The following C4orf50 variants were observed in gnomAD, a reference collection of about 807,000 sequenced individuals.
C4orf50 encodes chromosome 4 open reading frame 50.
In C4orf50, 80 loss-of-function variants were observed where a neutral mutation model predicts 77.2. The ratio of observed to expected loss-of-function variants is 1.04; its 90% CI spans 0.87 to 1.25. The LOEUF (loss-of-function observed/expected upper bound fraction) is 1.25, where lower values mean the gene tolerates loss of function less well. C4orf50 is among the 50% of genes most tolerant of loss of function. The pLI is 0.00. For synonymous variants in C4orf50, 532 were observed against 465.3 expected (o/e 1.14, Z -1.84); for missense variants, 1,257 against 1,152.9 (o/e 1.09, Z -1.31).
chr4:6,001,556 C>G (rs118134503), intron 25 of C4orf50, among the ~76,000 whole-genome samples: 1 of 152,274 alleles, frequency 6.6e-6, no homozygotes, highest in East Asian at 1.9e-4. Flanking sequence ...AAACTAGTGT[C>G]CTAAACGAGC....
chr4:5,909,693 G>T (rs1032943195), intron 7 of C4orf50, among the ~76,000 whole-genome samples: 5 of 152,238 alleles, frequency 3.3e-5, no homozygotes, highest in African/African-American at 1.2e-4. Flanking sequence ...AGTGGTGAGA[G>T]ATAGGGGTCT....
intron 7 of C4orf50, among the ~76,000 whole-genome samples, chr4:5,936,001 T>A (rs1577906795): frequency 6.6e-6 from 1 of 152,098 alleles, no homozygotes; most frequent in Non-Finnish European, 1.5e-5. Context: ...GCACTTATGA[T>A]GGGACAGTAC....
chr4:5,995,646 T>C (rs1029950009), intron 25 of C4orf50, among the ~76,000 whole-genome samples: 5 of 152,172 alleles, frequency 3.3e-5, no homozygotes, highest in Non-Finnish European at 2.9e-5. Flanking sequence ...ACTACTCCAC[T>C]GGACTGTGAG....
intron 25 of C4orf50, among the ~76,000 whole-genome samples, chr4:6,005,754 C>T (rs1311591359): frequency 1.3e-5 from 2 of 152,166 alleles, no homozygotes; most frequent in African/African-American, 4.8e-5. Context: ...TACATAGGTA[C>T]TCGTGCTATC....
intron 7 of C4orf50, among the ~76,000 whole-genome samples, chr4:5,943,340 C>T (rs557810727): frequency 2.0e-5 from 3 of 152,310 alleles, no homozygotes; most frequent in Admixed American, 6.5e-5. Context: ...CCTGAGTTTT[C>T]CCAGGGGTTC....
In C4orf50 at chr4:5,965,007, G is replaced by T; in HGVS notation, c.4275+17C>A. On this transcript the variant is annotated intron_variant, in intron 33 of 33. Coordinates refer to ENST00000531445, the Ensembl canonical transcript of C4orf50. ...ACAAAGTTCATTTAGGAAATGAGGT[G>T]ACAGGTGCCTTCTCACCTTCAGAGA... is the stretch of plus-strand genomic sequence containing the variant. The T allele has an allele frequency of 6.2e-7, 1 of 1,604,320 alleles. No homozygotes were observed. The highest frequency in any genetic ancestry group is 1.1e-5 in the South Asian group (1 of 89,096).
intron 26 of C4orf50, among the ~76,000 whole-genome samples, chr4:5,993,511 A>G (rs1721407751): frequency 6.6e-6 from 1 of 152,200 alleles, no homozygotes; most frequent in South Asian, 2.1e-4. Context: ...GCCACGGCTG[A>G]GGCTGTTATG....
chr4:5,916,621 G>A lies in C4orf50; in HGVS notation c.*2475-18433C>T, dbSNP rs971687561. Among the ~76,000 whole-genome samples, 1 of 152,224 alleles carries A rather than the reference G, an allele frequency of 6.6e-6. No individual in the cohort carries two copies. Among genetic ancestry groups the A allele is most frequent in the Non-Finnish European group, 1.5e-5 (1 of 68,042 alleles). On this transcript the variant is annotated intron_variant, in intron 7 of 7. Transcript: ENST00000324058. This position sits in a 1 kb window ranked among gnomAD's most constrained non-coding sequence, Gnocchi z 4.4. ...AAAAGCAGAGCCTGAGACCCAGACA[G>A]GGGTGCAGGTGGTTTATTTGGGGGG...
intron 25 of C4orf50, among the ~76,000 whole-genome samples, chr4:6,004,027 G>A (rs200819160): frequency 0.34 from 10,204 of 29,688 alleles, 734 homozygotes; most frequent in East Asian, 0.4. Context: ...TGGTGATAAT[G>A]TGATAGTGAT....
At position 5,924,878 on chromosome 4, in the gene C4orf50, C is replaced by G. The variant is rs558347697; in HGVS notation, c.*2475-26690G>C. ...GAACAGCAGGTCAGAGGGTCCGGAG[C>G]TTAGCAGGGAGGTCCCAGTGGCCGC... is the stretch of plus-strand genomic sequence containing the variant. On this transcript the variant is annotated intron_variant, in intron 7 of 7. Transcript: ENST00000324058. Among the ~76,000 whole-genome samples the G allele has an allele frequency of 2.0e-5, 3 of 152,308 alleles. No individual in the cohort carries two copies. In the South Asian group the frequency reaches 6.2e-4, roughly 32 times the overall value.
At chr4:5,962,674 G>T (rs762912578) in intron 33 of C4orf50, among the ~76,000 whole-genome samples, 1 of 152,238 alleles carries the variant, frequency 6.6e-6, no homozygotes, top group African/African-American at 2.4e-5. Flanking sequence ...CAGCTCTGCC[G>T]CTTATGAGCT....
At chr4:5,968,909 G>T (rs987887995) in intron 31 of C4orf50, among the ~76,000 whole-genome samples, 1 of 152,140 alleles carries the variant, frequency 6.6e-6, no homozygotes, top group Non-Finnish European at 1.5e-5. Context: ...GGGGTGCAAG[G>T]ACCCTTGTCT....
chr4:5,988,177 G>A (rs2108788566), intron 28 of C4orf50, among the ~76,000 whole-genome samples, 170 bp downstream of exon 6: 1 of 152,336 alleles, frequency 6.6e-6, no homozygotes. Context: ...CTATGTGACT[G>A]CAGTGACTGC....
chr4:5,912,565 C>A (rs1716855722), intron 7 of C4orf50, among the ~76,000 whole-genome samples: 1 of 152,022 alleles, frequency 6.6e-6, no homozygotes, highest in South Asian at 2.1e-4. Flanking sequence ...CTAAAATGCA[C>A]CCAGTATTTT....
downstream of C4orf50, among the ~76,000 whole-genome samples, chr4:5,952,548 C>T (rs948834164): frequency 3.3e-5 from 5 of 152,214 alleles, no homozygotes; most frequent in South Asian, 4.1e-4. The surrounding 1 kb of genome is among the most constrained non-coding windows in gnomAD (Gnocchi z 4.4). Context: ...CACCTGGCTG[C>T]GGGTGGAAGG....
chr4:5,989,593 G>A lies in C4orf50; in HGVS notation c.2453C>T (p.Ser818Phe), dbSNP rs1379599579. 4 of 1,535,978 alleles carry A rather than the reference G, an allele frequency of 2.6e-6. No homozygotes were observed. The African/African-American group carries it at 5.5e-5, about 21-fold the overall frequency. The change falls in exon 28 of 34, where the codon TCC (serine) becomes TTC (phenylalanine). Residue 818 changes from serine to phenylalanine, a missense_variant. Physicochemically the swap from Ser to Phe is radical, Grantham distance 155 (BLOSUM62 -2). Coordinates refer to ENST00000531445, the Ensembl canonical transcript of C4orf50. ...GCCCCTGCTGCCCGGCTGCAGGGTG[G>A]ACAGCTGCTGGAAACAAGCCTCCAC...
chr4:5,954,375 C>T (rs1000071891), downstream of C4orf50, among the ~76,000 whole-genome samples: 1 of 152,150 alleles, frequency 6.6e-6, no homozygotes, highest in Non-Finnish European at 1.5e-5. The surrounding 1 kb of genome is among the most constrained non-coding windows in gnomAD (Gnocchi z 4.7). Context: ...CTCAGCCCTG[C>T]ACCTGCTGCC....
chr4:5,937,819 A>G (rs7679272), intron 7 of C4orf50, among the ~76,000 whole-genome samples: 52,879 of 152,094 alleles, frequency 0.35, 13,371 homozygotes, highest in African/African-American at 0.72. Context: ...AAATCGCAAA[A>G]CATTATTAAA....
chr4:5,974,215 C>G (rs189220746), intron 30 of C4orf50, among the ~76,000 whole-genome samples: 1 of 152,178 alleles, frequency 6.6e-6, no homozygotes, highest in Admixed American at 6.5e-5. Context: ...AAGGAGACGG[C>G]GCAGGCAGGC....
Sources: gnomAD v4.1 joint callset for allele counts (sites outside exome capture counted in the v4.1 genomes callset) on GRCh38, gnomAD v4.1.1 for gene constraint, Gnocchi (gnomAD v3.1) non-coding constraint, MANE v1.5 for transcripts, NCBI Gene and HGNC (gene_info 2026-07-23, HGNC 2026-07-21) for gene names.